EID2B: variants seen among roughly 807,000 people sequenced by gnomAD.
EID2B encodes the protein EP300-interacting inhibitor of differentiation 2B.
EID2B carries 6 observed loss-of-function variants against 5.9 expected under a neutral mutation model. That is an observed-to-expected ratio of 1.01 (90% CI 0.55 to 2.00). EID2B has a LOEUF of 2.00. Ranked by LOEUF, EID2B falls within the 30% of genes most tolerant of loss-of-function variation. The pLI, the probability that EID2B is intolerant of heterozygous loss-of-function variation, is 0.00. For missense variants in EID2B, 234 were observed against 228.1 expected (o/e 1.03, Z -0.17); for synonymous variants, 94 against 104.2 (o/e 0.90, Z 0.60).
Position 39,532,124 on chromosome 19 carries a change from CA to C in EID2B, c.*192del. 1.5e-6 allele frequency: 1 copy of C among 653,966 alleles called. No individual in the cohort carries two copies. Among genetic ancestry groups the C allele is most frequent in the Non-Finnish European group, 2.5e-6 (1 of 392,522 alleles). 40.5% of individuals were successfully genotyped at this position (653,966 alleles called of 1,614,324 possible). The stretch of plus-strand genomic sequence containing the variant: ...TAATACTAAAAAAGAAGAAAGAAAA[CA>C]AGATTCAACAGTCTTGTCTGTTTCC... On this transcript the variant is annotated 3_prime_UTR_variant, in exon 1 of 1. Transcript: ENST00000326282.
In EID2B at chr19:39,532,729, G is replaced by C. The variant is rs759181726; in HGVS notation, c.74C>G (p.Ala25Gly). 4 of 1,611,146 alleles carry C rather than the reference G, an allele frequency of 2.5e-6. No homozygotes were observed. Among genetic ancestry groups the C allele is most frequent in the Non-Finnish European group, 2.5e-6 (3 of 1,179,464 alleles). The change falls in exon 1 of 1, where the codon GCG (alanine) becomes GGG (glycine). Residue 25 changes from alanine (A) to glycine (G), a missense_variant. Ala to Gly is a moderately conservative substitution (Grantham distance 60). Coordinates refer to ENST00000326282, the MANE Select transcript of EID2B (RefSeq NM_152361.3). ...CCGCAGTACGTCGCTGACGCCACTCGCGGTGCCCACCTGTGGGACACTGCT... is the reference window on the plus strand; with the variant it reads ...CCGCAGTACGTCGCTGACGCCACTCCCGGTGCCCACCTGTGGGACACTGCT... The part of the protein sequence containing the change: ...GDSSVPQVGT[A>G]SGVSDVLRGA...
Position 39,532,201 on chromosome 19 carries a change from A to G in EID2B, c.*116T>C. ...ATTGCACATTGCCGTATTCCCTTCC[A>G]GTTTGCATTCCCCCTAATGACTGAG... On this transcript the variant is annotated 3_prime_UTR_variant, in exon 1 of 1. Transcript: ENST00000326282. 2 of 1,294,060 alleles carry G rather than the reference A, an allele frequency of 1.5e-6. No homozygotes were observed. The highest frequency in any genetic ancestry group is 2.1e-6 in the Non-Finnish European group (2 of 945,840). 80.2% of individuals were successfully genotyped at this position (1,294,060 alleles called of 1,614,324 possible).
rs765047854 is a variant in EID2B at position 39,532,851 on chromosome 19, A to C, written c.-49T>G. The C allele has an allele frequency of 5.6e-6, 9 of 1,592,960 alleles. No individual in the cohort carries two copies. In the South Asian group the frequency reaches 8.9e-5, roughly 16 times the overall value. ...TGGAATAACGGCACTGCACTGCTGT[A>C]TGCGAGACCTGCGCATGCGCGAGTC... On this transcript the variant is annotated 5_prime_UTR_variant, in exon 1 of 1. Transcript: ENST00000326282.
chr19:39,532,514 G>T lies in EID2B; in HGVS notation c.289C>A (p.Arg97Ser). The T allele has an allele frequency of 6.2e-7, 1 of 1,614,170 alleles. No individual in the cohort carries two copies. Among genetic ancestry groups the T allele is most frequent in the Non-Finnish European group, 8.5e-7 (1 of 1,180,046 alleles). Residue 97 changes from arginine to serine, a missense_variant, in exon 1 of 1, where the codon CGC becomes AGC. Coordinates refer to ENST00000326282, the MANE Select transcript of EID2B (RefSeq NM_152361.3). ...FLEINRQLLF[R>S]EYLDGSSMIP... ...ATGGAGCTACCATCCAGATACTCGC[G>T]GAACAACAGCTGCCGGTTAATTTCT...
Position 39,531,681 on chromosome 19 carries a change from A to G in EID2B, c.*636T>C, listed in dbSNP as rs1005995042. 6.6e-6 allele frequency: 1 copy of G among 152,244 alleles called. No homozygotes were observed. 9.4% of individuals were successfully genotyped at this position (152,244 alleles called of 1,614,324 possible). A position where few individuals can be genotyped will look rare whatever the true frequency, so the allele number is the denominator to read the frequency against. On this transcript the variant is annotated 3_prime_UTR_variant, in exon 1 of 1. Coordinates refer to ENST00000326282, the MANE Select transcript of EID2B (RefSeq NM_152361.3). ...AAAACACAAATATGAATCTTACACT[A>G]GGATTTGTTGACATGACCACAAATT...
At position 39,531,990 on chromosome 19, in the gene EID2B, C is replaced by T; in HGVS notation, c.*327G>A. 3.8e-6 allele frequency: 1 copy of T among 260,562 alleles called. No individual in the cohort carries two copies. Among genetic ancestry groups the T allele is most frequent in the Non-Finnish European group, 7.3e-6 (1 of 136,696 alleles). 16.1% of individuals were successfully genotyped at this position (260,562 alleles called of 1,614,324 possible). A position where few individuals can be genotyped will look rare whatever the true frequency, so the allele number is the denominator to read the frequency against. On this transcript the variant is annotated 3_prime_UTR_variant, in exon 1 of 1. Coordinates refer to ENST00000326282, the MANE Select transcript of EID2B (RefSeq NM_152361.3). ...CAAGATTCGGCCGGGCGCGGTGGCTCACGCCTGTAAAGTAATCCCAGCACT... is the reference window on the plus strand; with the variant it reads ...CAAGATTCGGCCGGGCGCGGTGGCTTACGCCTGTAAAGTAATCCCAGCACT...
Position 39,532,157 on chromosome 19 carries a change from G to A in EID2B, c.*160C>T. 1.3e-6 allele frequency: 1 copy of A among 771,134 alleles called. No individual in the cohort carries two copies. The highest frequency in any genetic ancestry group is 2.1e-6 in the Non-Finnish European group (1 of 487,066). The allele number at this position is 771,134 out of a possible 1,614,324, so 47.8% of individuals were successfully genotyped here. ...AACAGTCTTGTCTGTTTCCATTTCG[G>A]AGTGTGCTTCCTCCTTCAATTGCAC... On this transcript the variant is annotated 3_prime_UTR_variant, in exon 1 of 1. Coordinates refer to ENST00000326282, the MANE Select transcript of EID2B (RefSeq NM_152361.3).
In EID2B at chr19:39,532,305, A is replaced by G. The variant is rs1600770949; in HGVS notation, c.*12T>C. 17 of 1,608,900 alleles carry G rather than the reference A, an allele frequency of 1.1e-5. No homozygotes were observed. The East Asian group carries it at 3.8e-4, about 36-fold the overall frequency. On this transcript the variant is annotated 3_prime_UTR_variant, in exon 1 of 1. Transcript: ENST00000326282. The stretch of plus-strand genomic sequence containing the variant: ...GCTATTCCTTGCCACCAATGTCATC[A>G]TCACAGCCGACTCAGTCGGCCAGAG...
At position 39,531,992 on chromosome 19, in the gene EID2B, C is replaced by T; in HGVS notation, c.*325G>A. ...AGATTCGGCCGGGCGCGGTGGCTCA[C>T]GCCTGTAAAGTAATCCCAGCACTTT... On this transcript the variant is annotated 3_prime_UTR_variant, in exon 1 of 1. Coordinates refer to ENST00000326282, the MANE Select transcript of EID2B (RefSeq NM_152361.3). 1 of 271,912 alleles carries T rather than the reference C, an allele frequency of 3.7e-6. No individual in the cohort carries two copies. The highest frequency in any genetic ancestry group is 7.0e-6 in the Non-Finnish European group (1 of 143,428). The allele number at this position is 271,912 out of a possible 1,614,324, so 16.8% of individuals were successfully genotyped here.
Position 39,532,239 on chromosome 19 carries a change from G to C in EID2B, c.*78C>G. 2.0e-6 allele frequency: 3 copies of C among 1,534,878 alleles called. No individual in the cohort carries two copies. In the South Asian group the frequency reaches 3.8e-5, roughly 19 times the overall value. ...CCTAATGACTGAGTTAACTAAACTG[G>C]CACAGCCTGCCTGTTCTTTTGATCC... is the stretch of plus-strand genomic sequence containing the variant. On this transcript the variant is annotated 3_prime_UTR_variant, in exon 1 of 1. Transcript: ENST00000326282.
Position 39,530,994 on chromosome 19 carries a change from T to G in EID2B, c.*1323A>C, listed in dbSNP as rs1267800251. 1 of 152,132 alleles carries G rather than the reference T, an allele frequency of 6.6e-6. No individual in the cohort carries two copies. Among genetic ancestry groups the G allele is most frequent in the Non-Finnish European group, 1.5e-5 (1 of 68,032 alleles). The allele number at this position is 152,132 out of a possible 1,614,324, so 9.4% of individuals were successfully genotyped here. ...AAGGGAAAATGCACAATATTTAGAT[T>G]GATGTTTATTTGCATATGCATTAGA... On this transcript the variant is annotated 3_prime_UTR_variant, in exon 1 of 1. Coordinates refer to ENST00000326282, the MANE Select transcript of EID2B (RefSeq NM_152361.3).
chr19:39,532,286 C>T lies in EID2B; in HGVS notation c.*31G>A. 1 of 1,599,624 alleles carries T rather than the reference C, an allele frequency of 6.3e-7. No homozygotes were observed. The highest frequency in any genetic ancestry group is 8.5e-7 in the Non-Finnish European group (1 of 1,169,924). ...ATCCCAAAAGGGTCACTTGGCTATT[C>T]CTTGCCACCAATGTCATCATCACAG... On this transcript the variant is annotated 3_prime_UTR_variant, in exon 1 of 1. Coordinates refer to ENST00000326282, the MANE Select transcript of EID2B (RefSeq NM_152361.3).
At position 39,531,485 on chromosome 19, in the gene EID2B, TG is replaced by T. The variant is rs2144784477; in HGVS notation, c.*831del. The T allele has an allele frequency of 6.6e-6, 1 of 152,336 alleles. No individual in the cohort carries two copies. The highest frequency in any genetic ancestry group is 1.9e-4 in the East Asian group (1 of 5,190). 9.4% of individuals were successfully genotyped at this position (152,336 alleles called of 1,614,324 possible). On this transcript the variant is annotated 3_prime_UTR_variant, in exon 1 of 1. Coordinates refer to ENST00000326282, the MANE Select transcript of EID2B (RefSeq NM_152361.3). Reference sequence around the variant, plus strand: ...AGTGCGCCCGGCCGATACTTTTTTTTGTTGAGTCTTGTGAATAGAATACATA... The same window carrying T: ...AGTGCGCCCGGCCGATACTTTTTTTTTTGAGTCTTGTGAATAGAATACATA...
Position 39,532,819 on chromosome 19 carries a change from C to T in EID2B, c.-17G>A. ...CTCCGCCATAGTCCCAGCGTTTCTACGGAGACTGGAATAACGGCACTGCAC... is the reference window on the plus strand; with the variant it reads ...CTCCGCCATAGTCCCAGCGTTTCTATGGAGACTGGAATAACGGCACTGCAC... On this transcript the variant is annotated 5_prime_UTR_variant, in exon 1 of 1. Transcript: ENST00000326282. 1 of 1,606,282 alleles carries T rather than the reference C, an allele frequency of 6.2e-7. No individual in the cohort carries two copies. Among genetic ancestry groups the T allele is most frequent in the Non-Finnish European group, 8.5e-7 (1 of 1,179,702 alleles).
Position 39,532,191 on chromosome 19 carries a change from ATTCCC to A in EID2B, c.*121_*125del. ...TCCTCCTTCAATTGCACATTGCCGT[ATTCCC>A]TTCCAGTTTGCATTCCCCCTAATGA... On this transcript the variant is annotated 3_prime_UTR_variant, in exon 1 of 1. Coordinates refer to ENST00000326282, the MANE Select transcript of EID2B (RefSeq NM_152361.3). 8.6e-7 allele frequency: 1 copy of A among 1,158,990 alleles called. No homozygotes were observed. Among genetic ancestry groups the A allele is most frequent in the Non-Finnish European group, 1.2e-6 (1 of 827,186 alleles). The allele number at this position is 1,158,990 out of a possible 1,614,324, so 71.8% of individuals were successfully genotyped here. A position where few individuals can be genotyped will look rare whatever the true frequency, so the allele number is the denominator to read the frequency against.
In EID2B at chr19:39,532,571, C is replaced by A; in HGVS notation, c.232G>T (p.Ala78Ser). The change falls in exon 1 of 1, where the codon GCG becomes TCG. Residue 78 changes from alanine (A) to serine (S), a missense_variant. Ala to Ser is a moderately conservative substitution (Grantham distance 99). Transcript: ENST00000326282. ...IPSSVPGLAS[A>S]PDPHQQLAFL... ...GCGAGCTGCTGATGGGGGTCTGGCG[C>A]GGAGGCCAGGCCCGGGACGCTGCTG... 6.2e-7 allele frequency: 1 copy of A among 1,613,580 alleles called. No individual in the cohort carries two copies. The highest frequency in any genetic ancestry group is 8.5e-7 in the Non-Finnish European group (1 of 1,179,948).
At position 39,532,254 on chromosome 19, in the gene EID2B, TC is replaced by T; in HGVS notation, c.*62del. On this transcript the variant is annotated 3_prime_UTR_variant, in exon 1 of 1. Transcript: ENST00000326282. ...AACTAAACTGGCACAGCCTGCCTGT[TC>T]TTTTGATCCCAAAAGGGTCACTTGG... 6.4e-7 allele frequency: 1 copy of T among 1,565,252 alleles called. No homozygotes were observed. The highest frequency in any genetic ancestry group is 8.7e-7 in the Non-Finnish European group (1 of 1,152,898).
chr19:39,532,231 C>G lies in EID2B; in HGVS notation c.*86G>C. 1 of 1,513,950 alleles carries G rather than the reference C, an allele frequency of 6.6e-7. No individual in the cohort carries two copies. 93.8% of individuals were successfully genotyped at this position (1,513,950 alleles called of 1,614,324 possible). ...GCATTCCCCCTAATGACTGAGTTAA[C>G]TAAACTGGCACAGCCTGCCTGTTCT... On this transcript the variant is annotated 3_prime_UTR_variant, in exon 1 of 1. Coordinates refer to ENST00000326282, the MANE Select transcript of EID2B (RefSeq NM_152361.3).
In EID2B at chr19:39,531,119, T is replaced by G. The variant is rs17795475; in HGVS notation, c.*1198A>C. ...AAGCAATGGCACCTGCATGGAATAG[T>G]TCTGAGTTTGGCAAAGGACAGCAAC... On this transcript the variant is annotated 3_prime_UTR_variant, in exon 1 of 1. Transcript: ENST00000326282. 0.22 allele frequency: 33,313 copies of G among 152,080 alleles called. 3,712 individuals are homozygous for G. Among genetic ancestry groups the G allele is most frequent in the East Asian group, 0.33 (1,690 of 5,170 alleles). The allele number at this position is 152,080 out of a possible 1,614,324, so 9.4% of individuals were successfully genotyped here.
Sources: gnomAD v4.1 joint callset for allele counts on GRCh38, gnomAD v4.1.1 for gene constraint, MANE v1.5 for transcripts, NCBI Gene and HGNC (gene_info 2026-07-23, HGNC 2026-07-21) for gene names.